Variants in GRIA3 observed in about 807,000 individuals in gnomAD.
GRIA3 encodes the protein glutamate ionotropic receptor AMPA type subunit 3, also known as glutamate receptor 3.
A neutral mutation model predicts 63.0 loss-of-function variants in GRIA3; 3 were observed. The observed-to-expected ratio is 0.05, with a 90% CI of 0.02 to 0.12. GRIA3 has a LOEUF of 0.12. Ranked by LOEUF, GRIA3 falls within the 10% of genes least tolerant of loss-of-function variation. The pLI, the probability that GRIA3 is intolerant of heterozygous loss-of-function variation, is 1.00. For missense variants in GRIA3, 347 were observed against 700.9 expected (o/e 0.50, Z 5.70); for synonymous variants, 274 against 257.9 (o/e 1.06, Z -0.60).
chrX:123,276,613 G>C (rs1290399171), intron 3 of GRIA3, among the ~76,000 whole-genome samples: 2 of 111,990 alleles, frequency 1.8e-5, no homozygotes, highest in Non-Finnish European at 3.8e-5. Flanking sequence ...TGAGGACATA[G>C]AGGCTCAGAG....
intron 2 of GRIA3, among the ~76,000 whole-genome samples, chrX:123,191,185 A>C (rs2066921): frequency 0.39 from 43,334 of 111,288 alleles, 6,245 homozygotes; most frequent in Middle Eastern, 0.49. Context: ...TCTATCTTCA[A>C]TGAAGGTCAA....
intron 3 of GRIA3, among the ~76,000 whole-genome samples, chrX:123,285,224 C>T (rs1350089492): frequency 1.8e-5 from 2 of 110,818 alleles, no homozygotes; most frequent in Non-Finnish European, 3.8e-5. Flanking sequence ...CACTGCCAGT[C>T]CTGCCTTACA....
chrX:123,465,896 G>T, intron 13 of GRIA3: 1 of 631,503 alleles, frequency 1.6e-6, no homozygotes, highest in South Asian at 2.3e-5. Context: ...AAAGTGGAAT[G>T]ACCAGGTTAT....
intron 3 of GRIA3, among the ~76,000 whole-genome samples, chrX:123,291,207 T>C (rs1253640829): frequency 9.0e-6 from 1 of 111,099 alleles, no homozygotes; most frequent in Non-Finnish European, 1.9e-5. Flanking sequence ...GAGAACTGAA[T>C]AGCCAGGAAC....
chrX:123,387,690 T>C (rs1348803295), intron 5 of GRIA3, among the ~76,000 whole-genome samples: 3 of 112,384 alleles, frequency 2.7e-5, no homozygotes, highest in Non-Finnish European at 5.6e-5. Flanking sequence ...ATTGAGATGA[T>C]CATACAGATT....
chrX:123,363,329 G>A (rs2045189124), intron 5 of GRIA3, among the ~76,000 whole-genome samples: 1 of 112,012 alleles, frequency 8.9e-6, no homozygotes, highest in Non-Finnish European at 1.9e-5. Context: ...TACAAAATGT[G>A]CCCTAATAAT....
chrX:123,254,757 G>A (rs983051488), intron 3 of GRIA3, among the ~76,000 whole-genome samples: 2 of 111,745 alleles, frequency 1.8e-5, no homozygotes, highest in Non-Finnish European at 3.8e-5. Context: ...GAAGACCAGA[G>A]GTCTAGTCCA....
intron 13 of GRIA3, 36 bp from the exon 14 acceptor site, chrX:123,480,027 T>C: frequency 1.1e-6 from 1 of 879,983 alleles, no homozygotes; most frequent in Non-Finnish European, 1.7e-6. Flanking sequence ...TAAAATAACA[T>C]AATATAATGT....
At chrX:123,224,398 C>T (rs181317724) in intron 2 of GRIA3, among the ~76,000 whole-genome samples, 1 of 111,820 alleles carries the variant, frequency 8.9e-6, no homozygotes, top group East Asian at 2.8e-4. Context: ...AGACACTTAT[C>T]CCCATTCCCA....
intron 2 of GRIA3, among the ~76,000 whole-genome samples, chrX:123,191,448 C>T (rs911152063): frequency 8.9e-6 from 1 of 111,781 alleles, no homozygotes; most frequent in Non-Finnish European, 1.9e-5. Flanking sequence ...AGCCTCAGCC[C>T]GTGTGTGGGA....
chrX:123,246,001 A>G (rs2044357083), intron 2 of GRIA3, among the ~76,000 whole-genome samples: 1 of 111,367 alleles, frequency 9.0e-6, no homozygotes, highest in African/African-American at 3.3e-5. Context: ...TAGCTGTCAG[A>G]GCTGCCCTCC....
At chrX:123,412,105 C>G (rs752060709) in intron 10 of GRIA3, among the ~76,000 whole-genome samples, 111 of 112,103 alleles carry the variant, frequency 9.9e-4, no homozygotes, top group Middle Eastern at 4.6e-3. Context: ...AGTTTTTCAT[C>G]AGTGTGGGCC....
rs2045964570 is a variant in GRIA3, at chrX:123,490,871, T to C, written c.*2161T>C. 1 of 112,810 alleles carries C rather than the reference T, an allele frequency of 8.9e-6. No homozygotes were observed. The highest frequency in any genetic ancestry group is 3.2e-5 in the African/African-American group (1 of 30,945). The allele number at this position is 112,810 out of a possible 1,213,427, so 9.3% of individuals were successfully genotyped here. A position where few individuals can be genotyped will look rare whatever the true frequency, so the allele number is the denominator to read the frequency against. On this transcript the variant is annotated 3_prime_UTR_variant, in exon 16 of 16. Coordinates refer to ENST00000620443, the MANE Select transcript of GRIA3 (RefSeq NM_007325.5). Reference sequence around the variant, plus strand: ...AGAGCCTCATTGCCATGAGGTATTGTACAAAGTTTTAATACATTTTGTAAA... The same window carrying C: ...AGAGCCTCATTGCCATGAGGTATTGCACAAAGTTTTAATACATTTTGTAAA...
intron 15 of GRIA3, among the ~76,000 whole-genome samples, chrX:123,486,045 G>A (rs1216939934): frequency 9.4e-6 from 1 of 106,234 alleles, no homozygotes; most frequent in African/African-American, 3.5e-5. Context: ...TAGAGATACA[G>A]GAAGAAAGAG....
chrX:123,326,116 A>G lies in GRIA3; in HGVS notation c.599A>G (p.Gln200Arg). ...TCTGTGGGAAACATAAAGGACGTCC[A>G]AGAATTCAGGCGCATCATTGAAGAA... ...ARSVGNIKDV[Q>R]EFRRIIEEMD... is the part of the protein sequence containing the mutation. The change falls in exon 4 of 16, where the codon CAA becomes CGA. Residue 200 changes from glutamine to arginine, a missense_variant. Transcript: ENST00000620443. 1 of 1,208,609 alleles carries G rather than the reference A, an allele frequency of 8.3e-7. No homozygotes were observed. The highest frequency in any genetic ancestry group is 1.8e-5 in the South Asian group (1 of 56,934).
chrX:123,381,599 A>G (rs1182405945), intron 5 of GRIA3, among the ~76,000 whole-genome samples: 1 of 111,379 alleles, frequency 9.0e-6, no homozygotes, highest in Non-Finnish European at 1.9e-5. Context: ...CCTCTCTCCT[A>G]ATTTCCATCA....
intron 7 of GRIA3, among the ~76,000 whole-genome samples, chrX:123,401,132 G>A (rs1207004780): frequency 2.7e-5 from 3 of 111,789 alleles, no homozygotes; most frequent in Non-Finnish European, 5.7e-5. Flanking sequence ...CAGACGGGAT[G>A]CGGGGAAACT....
intron 11 of GRIA3, among the ~76,000 whole-genome samples, chrX:123,423,654 A>G (rs2045574716): frequency 8.9e-6 from 1 of 111,912 alleles, no homozygotes; most frequent in Admixed American, 9.5e-5. Flanking sequence ...CATGGCATTA[A>G]ATGGAGTATA....
At chrX:123,268,792 T>A (rs1309784174) in intron 3 of GRIA3, among the ~76,000 whole-genome samples, 1 of 111,789 alleles carries the variant, frequency 8.9e-6, no homozygotes, top group Non-Finnish European at 1.9e-5. Context: ...AGCCCCAGAT[T>A]TATCGCGTTA....
Sources: gnomAD v4.1 joint callset for allele counts (sites outside exome capture counted in the v4.1 genomes callset) on GRCh38, gnomAD v4.1.1 for gene constraint, MANE v1.5 for transcripts, NCBI Gene and HGNC (gene_info 2026-07-23, HGNC 2026-07-21) for gene names.